The following KDM4C variants were observed in gnomAD, a reference collection of about 807,000 sequenced individuals.
KDM4C encodes lysine-specific demethylase 4C.
In KDM4C, 81 loss-of-function variants were observed where a neutral mutation model predicts 129.3. That is an observed-to-expected ratio of 0.63 (90% CI 0.52 to 0.75). The LOEUF (loss-of-function observed/expected upper bound fraction) is 0.75. Ranked by LOEUF, KDM4C falls within the 30% of genes least tolerant of loss-of-function variation. The probability of loss-of-function intolerance (pLI) is 0.00; values close to 1 mark genes in which losing one functional copy is unlikely to be tolerated. For missense variants in KDM4C, 1,457 were observed against 1,304.0 expected (o/e 1.12, Z -1.81); for synonymous variants, 573 against 456.1 (o/e 1.26, Z -3.26).
intron 16 of KDM4C, among the ~76,000 whole-genome samples, chr9:7,048,826 T>C (rs1226526787): frequency 1.3e-5 from 2 of 152,018 alleles, no homozygotes; most frequent in Admixed American, 6.6e-5. Flanking sequence ...GCAGATCAAG[T>C]GTAGAAAAAT....
At chr9:7,016,727 T>C (rs908550628) in intron 15 of KDM4C, among the ~76,000 whole-genome samples, 4 of 152,060 alleles carry the variant, frequency 2.6e-5, no homozygotes, top group African/African-American at 9.7e-5. Flanking sequence ...TGCCCGACTA[T>C]TAGGTAAATT....
chr9:6,911,085 A>G lies in KDM4C; in HGVS notation c.921+17853A>G, dbSNP rs117213105. Among the ~76,000 whole-genome samples the G allele has an allele frequency of 1.3e-3, 202 of 152,292 alleles. 5 individuals are homozygous for G. The East Asian group carries it at 0.035, about 26-fold the overall frequency. On this transcript the variant is annotated intron_variant, in intron 8 of 21. Transcript: ENST00000381309. Reference sequence around the variant, plus strand: ...CTTATCTTTATTTTAAAATATTTCTATAGCAACCAGTTATCACATGTGCAG... The same window carrying G: ...CTTATCTTTATTTTAAAATATTTCTGTAGCAACCAGTTATCACATGTGCAG...
chr9:6,922,236 AT>A (rs1213515712), intron 8 of KDM4C, among the ~76,000 whole-genome samples: 2 of 152,084 alleles, frequency 1.3e-5, no homozygotes, highest in Non-Finnish European at 2.9e-5. Context: ...TCCTATCTTA[AT>A]TTTTTGTTTT....
intron 2 of KDM4C, among the ~76,000 whole-genome samples, chr9:6,793,560 A>G (rs1276613428): frequency 7.2e-6 from 1 of 138,398 alleles, no homozygotes; most frequent in African/African-American, 2.7e-5. Flanking sequence ...TTTTTTTGAG[A>G]CAGAGTTTTG....
At chr9:6,894,645 C>T (rs1846572819) in intron 8 of KDM4C, among the ~76,000 whole-genome samples, 2 of 152,154 alleles carry the variant, frequency 1.3e-5, no homozygotes, top group Admixed American at 6.5e-5. Context: ...GACATTCCAG[C>T]CTTGGGGAGA....
In KDM4C at chr9:7,056,665, T is replaced by C. The variant is rs1352515174; in HGVS notation, c.2424+7465T>C. Among the ~76,000 whole-genome samples, 5 of 152,360 alleles carry C rather than the reference T, an allele frequency of 3.3e-5. No homozygotes were observed. In the South Asian group the frequency reaches 6.2e-4, roughly 19 times the overall value. On this transcript the variant is annotated intron_variant, in intron 17 of 21. Coordinates refer to ENST00000381309, the MANE Select transcript of KDM4C (RefSeq NM_015061.6). ...GACTGGAGCCTTTAAATTTTCAGTTTTGAAGTCATTTTTTCCTGAGGGCTA... is the reference window on the plus strand; with the variant it reads ...GACTGGAGCCTTTAAATTTTCAGTTCTGAAGTCATTTTTTCCTGAGGGCTA...
At chr9:7,115,356 A>G (rs1838780412) in intron 18 of KDM4C, among the ~76,000 whole-genome samples, 1 of 152,162 alleles carries the variant, frequency 6.6e-6, no homozygotes, top group South Asian at 2.1e-4. Context: ...GGCACGCAGA[A>G]TCGTCTGATA....
chr9:7,141,652 T>C (rs1381819000), intron 19 of KDM4C, among the ~76,000 whole-genome samples: 1 of 152,176 alleles, frequency 6.6e-6, no homozygotes, highest in East Asian at 1.9e-4. Context: ...AAGCCCAGAC[T>C]TCCAGGCCCA....
intron 5 of KDM4C, among the ~76,000 whole-genome samples, chr9:6,865,539 C>G (rs902182231): frequency 5.9e-5 from 9 of 151,904 alleles, no homozygotes; most frequent in Non-Finnish European, 8.8e-5. Flanking sequence ...TTATTGTAGG[C>G]TTAGTTATTT....
At chr9:6,921,226 A>T (rs535518110) in intron 8 of KDM4C, among the ~76,000 whole-genome samples, 1 of 152,200 alleles carries the variant, frequency 6.6e-6, no homozygotes, top group Admixed American at 6.5e-5. Flanking sequence ...TATTATCTGT[A>T]TGCTGATTAC....
chr9:6,761,688 G>A (rs1160823897), intron 1 of KDM4C, among the ~76,000 whole-genome samples: 2 of 152,050 alleles, frequency 1.3e-5, no homozygotes, highest in African/African-American at 4.8e-5. Flanking sequence ...TCACTTATTT[G>A]CTCTATATTT....
At chr9:6,848,054 C>T (rs972222604) in intron 4 of KDM4C, among the ~76,000 whole-genome samples, 1 of 151,852 alleles carries the variant, frequency 6.6e-6, no homozygotes, top group East Asian at 1.9e-4. Flanking sequence ...AATTTAATAC[C>T]CTCAATTTTT....
intron 6 of KDM4C, among the ~76,000 whole-genome samples, chr9:6,882,908 C>T (rs1844696072): frequency 6.6e-6 from 1 of 151,716 alleles, no homozygotes; most frequent in Non-Finnish European, 1.5e-5. Flanking sequence ...TGCAGAGATC[C>T]CTGTGCCAGG....
intron 1 of KDM4C, among the ~76,000 whole-genome samples, chr9:6,771,753 G>A (rs766606869): frequency 6.6e-6 from 1 of 152,220 alleles, no homozygotes; most frequent in South Asian, 2.1e-4. Flanking sequence ...GGAAAGCGCT[G>A]GTCCAGGCCA....
intron 17 of KDM4C, among the ~76,000 whole-genome samples, chr9:7,100,693 A>C (rs902140830): frequency 2.0e-5 from 3 of 152,154 alleles, no homozygotes; most frequent in Non-Finnish European, 2.9e-5. Context: ...ACTGTTTTTA[A>C]AATAATTACC....
chr9:6,766,046 C>T (rs1192687570), intron 1 of KDM4C, among the ~76,000 whole-genome samples: 1 of 152,124 alleles, frequency 6.6e-6, no homozygotes, highest in Non-Finnish European at 1.5e-5. Flanking sequence ...ACCTCAGCCT[C>T]CCAAAGTGCT....
chr9:7,037,414 A>G (rs540430075), intron 15 of KDM4C, among the ~76,000 whole-genome samples: 3 of 152,330 alleles, frequency 2.0e-5, no homozygotes, highest in Admixed American at 1.3e-4. Flanking sequence ...GCAAATAATG[A>G]ACAACTGTGA....
chr9:7,168,415 G>A (rs1391299792), intron 20 of KDM4C, among the ~76,000 whole-genome samples: 2 of 152,082 alleles, frequency 1.3e-5, no homozygotes, highest in Admixed American at 6.6e-5. Flanking sequence ...CATCCGTTTT[G>A]TTTCCTGCTA....
At position 6,797,896 on chromosome 9, in the gene KDM4C, T is replaced by C. The variant is rs553319117; in HGVS notation, c.144+4764T>C. ...GGGTTGTTGATAAAAGAAGGTATAT[T>C]CTGTTTTGATATAATCAGGAAGGTG... is the stretch of plus-strand genomic sequence containing the variant. On this transcript the variant is annotated intron_variant, in intron 2 of 21. Transcript: ENST00000381309. Among the ~76,000 whole-genome samples, 26 of 152,348 alleles carry C rather than the reference T, an allele frequency of 1.7e-4. No individual in the cohort carries two copies. In the South Asian group the frequency reaches 5.2e-3, roughly 30 times the overall value.
Sources: gnomAD v4.1 joint callset for allele counts (sites outside exome capture counted in the v4.1 genomes callset) on GRCh38, gnomAD v4.1.1 for gene constraint, MANE v1.5 for transcripts, NCBI Gene and HGNC (gene_info 2026-07-23, HGNC 2026-07-21) for gene names.